The following ACAA1 variants were observed in gnomAD, a reference collection of about 807,000 sequenced individuals.
ACAA1 encodes acetyl-CoA acyltransferase 1.
Under a neutral mutation model 48.8 loss-of-function variants are expected in ACAA1, and 44 were observed. That is an observed-to-expected ratio of 0.90 (90% confidence interval 0.71 to 1.16). ACAA1 has a LOEUF of 1.16. Ranked by LOEUF, ACAA1 falls within the 50% of genes most tolerant of loss-of-function variation. The probability of loss-of-function intolerance (pLI) is 0.00; values close to 1 mark genes in which losing one functional copy is unlikely to be tolerated. For synonymous variants in ACAA1, 233 were observed against 226.5 expected (o/e 1.03, Z -0.26); for missense variants, 512 against 562.3 (o/e 0.91, Z 0.90).
intron 2 of ACAA1, among the ~76,000 whole-genome samples, chr3:38,136,228 T>C (rs1700889821): frequency 1.3e-5 from 2 of 151,644 alleles, no homozygotes; most frequent in South Asian, 4.2e-4. Context: ...CAAAATGGAG[T>C]TTCTTCTGTC....
chr3:38,125,732 C>A, intron 10 of ACAA1, 22 bp from the exon 11 acceptor site: 2 of 1,613,070 alleles, frequency 1.2e-6, no homozygotes, highest in Non-Finnish European at 1.7e-6. Flanking sequence ...CAGATCATCA[C>A]CTATAGCCCT....
rs766752028 is a variant in ACAA1 at position 38,129,436 on chromosome 3, C to G, written c.447-48G>C. The stretch of plus-strand genomic sequence containing the variant: ...GAAGGTAAGGTGAACTGGGCCCTAG[C>G]AGGACTCCTCCAGAGATAGCTGAAC... On this transcript the variant is annotated intron_variant, in intron 5 of 11. Coordinates refer to ENST00000333167, the MANE Select transcript of ACAA1 (RefSeq NM_001607.4). The surrounding 1 kb of genome is among the most constrained non-coding windows in gnomAD (Gnocchi z 5.3). 2 of 1,442,968 alleles carry G rather than the reference C, an allele frequency of 1.4e-6. No individual in the cohort carries two copies. The highest frequency in any genetic ancestry group is 1.9e-6 in the Non-Finnish European group (2 of 1,028,126). 89.4% of individuals were successfully genotyped at this position (1,442,968 alleles called of 1,614,324 possible).
At chr3:38,125,905 G>A in intron 9 of ACAA1, 24 bp from the exon 10 acceptor site, 1 of 1,614,062 alleles carries the variant, frequency 6.2e-7, no homozygotes, top group Non-Finnish European at 8.5e-7. Flanking sequence ...AAAGACCTGA[G>A]CTGACACACT....
intron 3 of ACAA1, 72 bp downstream of exon 3, chr3:38,133,878 ACT>A: frequency 6.6e-7 from 1 of 1,515,672 alleles, no homozygotes; most frequent in Non-Finnish European, 9.2e-7. Context: ...CAACCTGCAC[ACT>A]GAGTTTCCTG....
At chr3:38,125,800 G>A (rs559474003) in intron 10 of ACAA1, 26 bp downstream of exon 10, 1 of 1,614,172 alleles carries the variant, frequency 6.2e-7, no homozygotes, top group South Asian at 1.1e-5. Flanking sequence ...CCAGGGCAAA[G>A]GCAACATTGA....
At chr3:38,134,085 A>G in intron 2 of ACAA1, 76 bp from the exon 3 acceptor site, 1 of 1,405,396 alleles carries the variant, frequency 7.1e-7, no homozygotes. Flanking sequence ...AAAACCAGAG[A>G]TGAGGCATTC....
At chr3:38,128,728 A>G (rs1700727532) in intron 6 of ACAA1, among the ~76,000 whole-genome samples, 1 of 152,096 alleles carries the variant, frequency 6.6e-6, no homozygotes, top group African/African-American at 2.4e-5. Flanking sequence ...AGTAGCTGGG[A>G]CTACAGGCGC....
At chr3:38,133,590 C>T (rs890708179) in intron 3 of ACAA1, 18 of 265,058 alleles carry the variant, frequency 6.8e-5, no homozygotes, top group African/African-American at 4.1e-4. Flanking sequence ...TGGGATATGA[C>T]TGGAGTTCTC....
At chr3:38,132,926 A>G (rs1488320481) in intron 3 of ACAA1, among the ~76,000 whole-genome samples, 1 of 152,170 alleles carries the variant, frequency 6.6e-6, no homozygotes, top group Non-Finnish European at 1.5e-5. Flanking sequence ...ACTTACCACA[A>G]GGCATCACCT....
In ACAA1 at chr3:38,136,705, C is replaced by A. The variant is rs538300595; in HGVS notation, c.172-20G>T. 4 of 1,592,594 alleles carry A rather than the reference C, an allele frequency of 2.5e-6. No individual in the cohort carries two copies. The African/African-American group carries it at 5.4e-5, about 21-fold the overall frequency. ...GGTGTCCTGCAGCAGAAAGAGCAGC[C>A]GCAGTGACCCCCACTCCCCCATGCC... On this transcript the variant is annotated intron_variant, in intron 1 of 11. Coordinates refer to ENST00000333167, the MANE Select transcript of ACAA1 (RefSeq NM_001607.4).
At chr3:38,136,344 A>G (rs1400944529) in intron 2 of ACAA1, among the ~76,000 whole-genome samples, 2 of 152,130 alleles carry the variant, frequency 1.3e-5, no homozygotes, top group East Asian at 3.9e-4. Context: ...ATAAATACTG[A>G]GGGAACTCGG....
At chr3:38,131,695 A>G in intron 4 of ACAA1, 57 bp from the exon 5 acceptor site, 4 of 1,573,120 alleles carry the variant, frequency 2.5e-6, no homozygotes, top group Non-Finnish European at 2.6e-6. Flanking sequence ...TTCTGGAAGC[A>G]GTGGAGCCTC....
chr3:38,124,241 T>C (rs1324234252), intron 11 of ACAA1: 1 of 152,210 alleles, frequency 6.6e-6, no homozygotes, highest in African/African-American at 2.4e-5. Flanking sequence ...GGTAATCATG[T>C]GCACCCAGCT....
rs1458220790 is a variant in ACAA1 at position 38,126,540 on chromosome 3, C to G, written c.787G>C (p.Ala263Pro). The part of the protein sequence containing the change: ...TMEGLAKLKP[A>P]FKKDGSTTAG... ...GTGGTAGAACCATCTTTCTTGAAGG[C>G]AGGCTTCAGTTTGGCCAGGCCCTCC... Residue 263 changes from alanine (A) to proline (P), a missense_variant, in exon 8 of 12, where the codon GCC becomes CCC. Coordinates refer to ENST00000333167, the MANE Select transcript of ACAA1 (RefSeq NM_001607.4). This position sits in a 1 kb window ranked among gnomAD's most constrained non-coding sequence, Gnocchi z 4.7. 13 of 1,614,118 alleles carry G rather than the reference C, an allele frequency of 8.1e-6. No homozygotes were observed. The highest frequency in any genetic ancestry group is 1.0e-5 in the Non-Finnish European group (12 of 1,180,050).
intron 4 of ACAA1, 87 bp downstream of exon 4, chr3:38,131,839 G>A (rs916792366): frequency 7.3e-7 from 1 of 1,375,814 alleles, no homozygotes; most frequent in Non-Finnish European, 1.0e-6. Context: ...CTCAGAAATG[G>A]TAATTATTGC....
intron 2 of ACAA1, among the ~76,000 whole-genome samples, chr3:38,134,823 C>T (rs1396445547): frequency 2.0e-5 from 3 of 152,170 alleles, no homozygotes; most frequent in African/African-American, 4.8e-5. Context: ...TCCAAGGTTT[C>T]CCCCCACTGA....
chr3:38,125,972 T>C, intron 9 of ACAA1, 91 bp from the exon 10 acceptor site: 1 of 1,580,348 alleles, frequency 6.3e-7, no homozygotes, highest in Non-Finnish European at 8.7e-7. Context: ...CTGCCTGGTG[T>C]GTGTCTCTTC....
chr3:38,123,504 A>C, intron 11 of ACAA1: 1 of 178,824 alleles, frequency 5.6e-6, no homozygotes, highest in Non-Finnish European at 1.2e-5. Flanking sequence ...GAAAATCACA[A>C]TCCTAAAAGA....
At position 38,129,456 on chromosome 3, in the gene ACAA1, C is replaced by CACTCCTCCAG; in HGVS notation, c.447-69_447-68insCTGGAGGAGT. 7.8e-7 allele frequency: 1 copy of CACTCCTCCAG among 1,282,200 alleles called. No individual in the cohort carries two copies. The highest frequency in any genetic ancestry group is 1.1e-6 in the Non-Finnish European group (1 of 892,944). 79.4% of individuals were successfully genotyped at this position (1,282,200 alleles called of 1,614,324 possible). ...CCTAGCAGGACTCCTCCAGAGATAG[C>CACTCCTCCAG]TGAACACTTGGCAAGTGCTAGGAAA... On this transcript the variant is annotated intron_variant, in intron 5 of 11. Transcript: ENST00000333167. The surrounding 1 kb of genome is among the most constrained non-coding windows in gnomAD (Gnocchi z 5.3).
Sources: gnomAD v4.1 joint callset for allele counts (sites outside exome capture counted in the v4.1 genomes callset) on GRCh38, gnomAD v4.1.1 for gene constraint, Gnocchi (gnomAD v3.1) non-coding constraint, MANE v1.5 for transcripts, NCBI Gene and HGNC (gene_info 2026-07-23, HGNC 2026-07-21) for gene names.